Variants in PBX1 observed in about 807,000 individuals in gnomAD.
The protein encoded by PBX1 is PBX homeobox 1.
Under a neutral mutation model 53.4 loss-of-function variants are expected in PBX1, and 6 were observed. That is an observed-to-expected ratio of 0.11 (90% CI 0.06 to 0.22). The LOEUF is 0.22. Ranked by LOEUF, PBX1 falls within the 10% of genes least tolerant of loss-of-function variation. The pLI, the probability that PBX1 is intolerant of heterozygous loss-of-function variation, is 1.00. For missense variants in PBX1, 251 were observed against 551.4 expected (o/e 0.46, Z 5.46); for synonymous variants, 204 against 212.3 (o/e 0.96, Z 0.34).
At chr1:164,663,192 T>TCCTTCCTG (rs1660596220) in intron 2 of PBX1, among the ~76,000 whole-genome samples, 2 of 149,704 alleles carry the variant, frequency 1.3e-5, no homozygotes, top group African/African-American at 2.5e-5. Flanking sequence ...CTTCCTGTCT[T>TCCTTCCTG]CCTTCCTGCC....
chr1:164,602,849 TA>T (rs1656273936), intron 2 of PBX1, among the ~76,000 whole-genome samples: 1 of 152,182 alleles, frequency 6.6e-6, no homozygotes, highest in African/African-American at 2.4e-5. Flanking sequence ...TGTTTGCCGT[TA>T]AACGGTTGTA....
intron 2 of PBX1, among the ~76,000 whole-genome samples, chr1:164,742,424 C>A (rs1156384139): frequency 6.6e-6 from 1 of 152,148 alleles, no homozygotes; most frequent in African/African-American, 2.4e-5. Context: ...CATCTGTAAT[C>A]CCAGCTACTT....
intron 2 of PBX1, among the ~76,000 whole-genome samples, chr1:164,658,462 A>C (rs1159748019): frequency 6.6e-6 from 1 of 152,158 alleles, no homozygotes; most frequent in Non-Finnish European, 1.5e-5. Context: ...AATATTAGAG[A>C]TCTATTAATA....
intron 2 of PBX1, among the ~76,000 whole-genome samples, chr1:164,656,637 A>G (rs16833582): frequency 0.054 from 8,146 of 152,082 alleles, 449 homozygotes; most frequent in African/African-American, 0.14. Context: ...TGCTTTGTCA[A>G]TTTAAGATTG....
chr1:164,628,695 G>C (rs557413477), intron 2 of PBX1, among the ~76,000 whole-genome samples: 1 of 152,322 alleles, frequency 6.6e-6, no homozygotes, highest in East Asian at 1.9e-4. Context: ...GAGTGTATCT[G>C]TGGAGGTCCT....
intron 2 of PBX1, among the ~76,000 whole-genome samples, chr1:164,757,009 G>T (rs1358253249): frequency 6.6e-6 from 1 of 152,162 alleles, no homozygotes; most frequent in Non-Finnish European, 1.5e-5. Context: ...GGAAGTAGAA[G>T]TGGTATTTAG....
At chr1:164,602,898 G>T (rs1312241556) in intron 2 of PBX1, among the ~76,000 whole-genome samples, 1 of 152,158 alleles carries the variant, frequency 6.6e-6, no homozygotes, top group Non-Finnish European at 1.5e-5. Context: ...AATGAAGGCT[G>T]CCATTGGAAC....
intron 2 of PBX1, among the ~76,000 whole-genome samples, chr1:164,791,595 G>A (rs903664951): frequency 6.6e-6 from 1 of 152,188 alleles, no homozygotes; most frequent in African/African-American, 2.4e-5. Context: ...TACTTCAGGT[G>A]ATTTTGGAAA....
chr1:164,570,854 C>G (rs1413998893), intron 2 of PBX1, among the ~76,000 whole-genome samples: 1 of 152,206 alleles, frequency 6.6e-6, no homozygotes, highest in Non-Finnish European at 1.5e-5. Flanking sequence ...TTCTCCATAT[C>G]CTCTCCAGCA....
chr1:164,811,346 A>T lies in PBX1; in HGVS notation c.838-644A>T, dbSNP rs956396870. 2.0e-5 allele frequency among the ~76,000 whole-genome samples: 3 copies of T among 152,354 alleles called. No homozygotes were observed. The East Asian group carries it at 5.8e-4, about 29-fold the overall frequency. ...AGGTTTATTGTGTCTGCTGGCTTTA[A>T]CATTTAAACCCTAGAATTCAAGGGG... On this transcript the variant is annotated intron_variant, in intron 5 of 8. Transcript: ENST00000420696.
At chr1:164,813,813 A>T (rs1669741917) in intron 6 of PBX1, 1 of 152,240 alleles carries the variant, frequency 6.6e-6, no homozygotes, top group Admixed American at 6.5e-5. Context: ...TAAAGCCCTT[A>T]AAAGAGAAAA....
chr1:164,568,305 G>A (rs757414298), intron 2 of PBX1, among the ~76,000 whole-genome samples: 4 of 148,632 alleles, frequency 2.7e-5, no homozygotes, highest in East Asian at 2.0e-4. Context: ...TTGGTGAAGC[G>A]AATCTAAATA....
At position 164,717,229 on chromosome 1, in the gene PBX1, C is replaced by T. The variant is rs549832735; in HGVS notation, c.266-75265C>T. On this transcript the variant is annotated intron_variant, in intron 2 of 8. Coordinates refer to ENST00000420696, the MANE Select transcript of PBX1 (RefSeq NM_002585.4). ...TTCATAGCTGCCAGGATGAGAGGCT[C>T]AGTGTTTCACATGGCATTGGCATTA... Among the ~76,000 whole-genome samples, 8 of 152,230 alleles carry T rather than the reference C, an allele frequency of 5.3e-5. No homozygotes were observed. The South Asian group carries it at 1.0e-3, about 20-fold the overall frequency.
downstream of PBX1, among the ~76,000 whole-genome samples, chr1:164,855,939 G>A (rs1271921754): frequency 6.6e-6 from 1 of 152,070 alleles, no homozygotes; most frequent in East Asian, 1.9e-4. Flanking sequence ...TGAGGCTCCC[G>A]CCTCCCCCTT....
chr1:164,738,746 A>G (rs1403654421), intron 2 of PBX1, among the ~76,000 whole-genome samples: 2 of 152,212 alleles, frequency 1.3e-5, no homozygotes, highest in Admixed American at 6.5e-5. Flanking sequence ...CCTGTGCACT[A>G]TAAAGCTGTC....
At chr1:164,686,808 T>G (rs1053281259) in intron 2 of PBX1, among the ~76,000 whole-genome samples, 9 of 151,856 alleles carry the variant, frequency 5.9e-5, no homozygotes, top group Non-Finnish European at 1.2e-4. Context: ...AATACAAAAA[T>G]TAGCCGGGTG....
At chr1:164,860,887 A>T (rs1269635764) in intron 2 of PBX1, among the ~76,000 whole-genome samples, 1 of 152,134 alleles carries the variant, frequency 6.6e-6, no homozygotes, top group African/African-American at 2.4e-5. Context: ...AAAAAAGAAG[A>T]GGGAGAAAGG....
At chr1:164,644,631 A>T (rs1659343353) in intron 2 of PBX1, among the ~76,000 whole-genome samples, 1 of 152,216 alleles carries the variant, frequency 6.6e-6, no homozygotes, top group South Asian at 2.1e-4. Context: ...GGATTAAAAA[A>T]TATTTAAATA....
Position 164,610,507 on chromosome 1 carries a change from A to G in PBX1, c.265+47196A>G, listed in dbSNP as rs187179134. On this transcript the variant is annotated intron_variant, in intron 2 of 8. Coordinates refer to ENST00000420696, the MANE Select transcript of PBX1 (RefSeq NM_002585.4). ...TTCTTAATTGTTAGTGAATTAAGCC[A>G]GGAAGGCACTGGGGGTGGCTGGGGA... Among the ~76,000 whole-genome samples the G allele has an allele frequency of 2.0e-5, 3 of 152,256 alleles. No homozygotes were observed. The East Asian group carries it at 5.8e-4, about 29-fold the overall frequency.
Sources: allele counts gnomAD v4.1 joint callset (sites outside exome capture counted in the v4.1 genomes callset), GRCh38; gene constraint gnomAD v4.1.1; transcripts MANE v1.5; gene names NCBI Gene and HGNC (gene_info 2026-07-23, HGNC 2026-07-21).